SLC4A9: variants seen among roughly 807,000 people sequenced by gnomAD.
The protein encoded by SLC4A9 is solute carrier family 4 member 9, also known as anion exchange protein 4.
In SLC4A9, 102 loss-of-function variants were observed where a neutral mutation model predicts 103.2. The ratio of observed to expected loss-of-function variants is 0.99; its 90% confidence interval spans 0.84 to 1.17. The LOEUF is 1.17. SLC4A9 is among the 50% of genes most tolerant of loss of function. The pLI is 0.00. For missense variants in SLC4A9, 1,091 were observed against 1,193.7 expected, an observed-to-expected ratio of 0.91 and a Z score of 1.27; for synonymous variants, 453 against 483.6, an observed-to-expected ratio of 0.94 and a Z score of 0.83.
At chr5:140,366,092 T>C in intron 13 of SLC4A9, 59 bp from the exon 14 acceptor site, 1 of 1,607,018 alleles carries the variant, frequency 6.2e-7, no homozygotes, top group Non-Finnish European at 8.5e-7. Context: ...TGATGGGAAG[T>C]GGTGTGGAAA....
chr5:140,374,550 CAAAAA>C (rs70988749), intron 21 of SLC4A9, among the ~76,000 whole-genome samples: 1 of 47,658 alleles, frequency 2.1e-5, no homozygotes, highest in Non-Finnish European at 3.7e-5. Context: ...AACTCCCTCT[CAAAAA>C]AAAAAAAAAA....
Position 140,367,901 on chromosome 5 carries a change from G to T in SLC4A9, c.2354+3G>T. On this transcript the variant is annotated splice_donor_region_variant and intron_variant, in intron 16 of 21. Transcript: ENST00000506757. ...CGCCCCAACTTCCTGGGTATCAGGTGAGGGCGGTATTTAGGAAGTGGAGTA... is the reference window on the plus strand; with the variant it reads ...CGCCCCAACTTCCTGGGTATCAGGTTAGGGCGGTATTTAGGAAGTGGAGTA... The T allele has an allele frequency of 6.2e-7, 1 of 1,613,674 alleles. No homozygotes were observed. The highest frequency in any genetic ancestry group is 8.5e-7 in the Non-Finnish European group (1 of 1,179,776).
chr5:140,364,611 ACCCAGG>A lies in SLC4A9; in HGVS notation c.1644_1649del (p.Pro549_Gly550del). 1 of 1,600,546 alleles carries A rather than the reference ACCCAGG, an allele frequency of 6.2e-7. No homozygotes were observed. The highest frequency in any genetic ancestry group is 1.1e-5 in the South Asian group (1 of 88,786). ...TCTGCCTACGGGTGCCTCTGCCAAT[ACCCAGG>A]CCCAGGAGGTGGGTAAGGGAAACAG... On this transcript the variant is annotated inframe_deletion, in exon 11 of 22. Coordinates refer to ENST00000506757, the MANE Select transcript of SLC4A9 (RefSeq NM_031467.3).
At chr5:140,368,519 C>T (rs1223680001) in intron 16 of SLC4A9, 68 bp from the exon 17 acceptor site, 1 of 1,404,538 alleles carries the variant, frequency 7.1e-7, no homozygotes, top group South Asian at 1.3e-5. Context: ...GGTATTCAGC[C>T]AGGATCTCCA....
At chr5:140,361,736 G>T (rs1244892480) in intron 3 of SLC4A9, 72 bp from the exon 4 acceptor site, 92 of 1,555,818 alleles carry the variant, frequency 5.9e-5, no homozygotes, top group Non-Finnish European at 7.5e-5. Flanking sequence ...AGTGGCAAAA[G>T]TGATTAGGGA....
At chr5:140,370,565 T>C (rs1309509353) in intron 17 of SLC4A9, among the ~76,000 whole-genome samples, 3 of 152,114 alleles carry the variant, frequency 2.0e-5, no homozygotes, top group African/African-American at 7.2e-5. Flanking sequence ...GATAAGATGA[T>C]TAAGAGTGCC....
chr5:140,362,298 G>T, intron 5 of SLC4A9, 124 bp downstream of exon 5: 1 of 1,274,688 alleles, frequency 7.8e-7, no homozygotes, highest in South Asian at 1.4e-5. Flanking sequence ...TCAGGGGTCT[G>T]GGGAGAGAGT....
intron 13 of SLC4A9, 45 bp downstream of exon 13, chr5:140,366,067 T>G (rs1767839942): frequency 1.9e-6 from 3 of 1,611,468 alleles, no homozygotes; most frequent in Non-Finnish European, 2.5e-6. Flanking sequence ...GACTCTAAGC[T>G]TTGGGTCCTA....
chr5:140,360,681 TG>T (rs35204035), intron 1 of SLC4A9, 130 bp from the exon 2 acceptor site: 32 of 1,430,476 alleles, frequency 2.2e-5, no homozygotes, highest in Middle Eastern at 2.1e-4. Flanking sequence ...ACTGCCAGGG[TG>T]GGGGGGAGAC....
rs776966440 is a variant in SLC4A9, at chr5:140,360,427, T to G, written c.191T>G (p.Leu64Arg). 1.3e-6 allele frequency: 2 copies of G among 1,593,050 alleles called. No homozygotes were observed. The highest frequency in any genetic ancestry group is 2.3e-5 in the South Asian group (2 of 87,576). The change falls in exon 1 of 22, where the codon CTG becomes CGG. Residue 64 changes from leucine to arginine, a missense_variant. Transcript: ENST00000506757. ...CTCTTCATTCAGCTGAATGAGCTGCTGGGCTGGCCCCAGGCGCTGGAGTGG... is the reference window on the plus strand; with the variant it reads ...CTCTTCATTCAGCTGAATGAGCTGCGGGGCTGGCCCCAGGCGCTGGAGTGG... Reference protein sequence around the residue: ...PLLFIQLNELLGWPQALEWRE... With the variant: ...PLLFIQLNELRGWPQALEWRE...
At chr5:140,372,494 C>T (rs898337172) in intron 20 of SLC4A9, 97 bp downstream of exon 20, 23 of 1,539,494 alleles carry the variant, frequency 1.5e-5, no homozygotes, top group Middle Eastern at 1.8e-4. Flanking sequence ...CCAGTAAGCC[C>T]GCAGATCTGA....
intron 3 of SLC4A9, among the ~76,000 whole-genome samples, 163 bp downstream of exon 3, chr5:140,361,530 CA>C (rs1767083008): frequency 6.6e-6 from 1 of 152,228 alleles, no homozygotes; most frequent in Admixed American, 6.5e-5. Context: ...GGAGAAGATT[CA>C]GGGGGCTAGA....
intron 5 of SLC4A9, 67 bp downstream of exon 5, chr5:140,362,241 A>G (rs1767197116): frequency 7.0e-7 from 1 of 1,431,986 alleles, no homozygotes; most frequent in South Asian, 1.5e-5. Flanking sequence ...TGAGGAGGGG[A>G]AGGAGGGTCT....
At chr5:140,369,058 C>T (rs1355618763) in intron 17 of SLC4A9, among the ~76,000 whole-genome samples, 1 of 152,134 alleles carries the variant, frequency 6.6e-6, no homozygotes, top group Admixed American at 6.5e-5. Flanking sequence ...TGCGGTGGCT[C>T]ATGCCTGTAA....
At position 140,360,821 on chromosome 5, in the gene SLC4A9, G is replaced by A. The variant is rs372019908; in HGVS notation, c.240G>A (p.Leu80=). Reference sequence around the variant, plus strand: ...CCCACCTTCATCACAGGTGGGTACTGTTTGAGGAGAAGTTGGAGGTGGCTG... The same window carrying A: ...CCCACCTTCATCACAGGTGGGTACTATTTGAGGAGAAGTTGGAGGTGGCTG... The part of the protein sequence containing the change: ...LEWRETGRWV[L]FEEKLEVAAG... The change falls in exon 2 of 22, where the codon CTG becomes CTA. Residue 80 remains leucine, a synonymous_variant. Transcript: ENST00000506757. 1.2e-6 allele frequency: 2 copies of A among 1,613,564 alleles called. No homozygotes were observed. Among genetic ancestry groups the A allele is most frequent in the South Asian group, 1.1e-5 (1 of 91,044 alleles).
In SLC4A9 at chr5:140,363,448, G is replaced by T. The variant is rs1427111478; in HGVS notation, c.972G>T (p.Ser324=). ...TTCCCCTCCTCCTCAGGCTTCCCTC[G>T]CAACAGCGGGAGATCAGAGGTCCCG... The part of the protein sequence containing the change: ...CLPSQHKRLP[S]QQREIRGPAV... Residue 324 remains serine, a synonymous_variant, in exon 8 of 22, where the codon TCG becomes TCT. Coordinates refer to ENST00000506757, the MANE Select transcript of SLC4A9 (RefSeq NM_031467.3). This position sits in a 1 kb window ranked among gnomAD's most constrained non-coding sequence, Gnocchi z 4.5. 6.4e-7 allele frequency: 1 copy of T among 1,551,208 alleles called. No individual in the cohort carries two copies. Among genetic ancestry groups the T allele is most frequent in the East Asian group, 2.4e-5 (1 of 40,916 alleles).
At chr5:140,368,510 G>A (rs2126782536) in intron 16 of SLC4A9, 77 bp from the exon 17 acceptor site, 2 of 1,289,280 alleles carry the variant, frequency 1.6e-6, no homozygotes, top group Non-Finnish European at 2.2e-6. Flanking sequence ...GTCTGTACTG[G>A]TATTCAGCCA....
intron 21 of SLC4A9, among the ~76,000 whole-genome samples, chr5:140,374,172 G>A (rs1310503036): frequency 6.8e-6 from 1 of 146,566 alleles, no homozygotes; most frequent in African/African-American, 2.5e-5. Flanking sequence ...CTGGGCGACG[G>A]AGCGAGACTC....
rs1767388015 is a variant in SLC4A9 at position 140,363,338 on chromosome 5, A to G, written c.963-101A>G. 1 of 1,150,016 alleles carries G rather than the reference A, an allele frequency of 8.7e-7. No homozygotes were observed. Among genetic ancestry groups the G allele is most frequent in the African/African-American group, 1.6e-5 (1 of 64,062 alleles). 71.2% of individuals were successfully genotyped at this position (1,150,016 alleles called of 1,614,324 possible). Reference sequence around the variant, plus strand: ...GTCGCCATGGTTCCCTCGCCGGCAGAGACAAGAGCAGCCGCTAGGGGGCAG... The same window carrying G: ...GTCGCCATGGTTCCCTCGCCGGCAGGGACAAGAGCAGCCGCTAGGGGGCAG... On this transcript the variant is annotated intron_variant, in intron 7 of 21. Transcript: ENST00000506757. This position sits in a 1 kb window ranked among gnomAD's most constrained non-coding sequence, Gnocchi z 4.5.
Sources: gnomAD v4.1 joint callset for allele counts (sites outside exome capture counted in the v4.1 genomes callset) on GRCh38, gnomAD v4.1.1 for gene constraint, Gnocchi (gnomAD v3.1) non-coding constraint, MANE v1.5 for transcripts, NCBI Gene and HGNC (gene_info 2026-07-23, HGNC 2026-07-21) for gene names.